KAZN: variants seen among roughly 807,000 people sequenced by gnomAD.
KAZN encodes kazrin, periplakin interacting protein.
A neutral mutation model predicts 87.4 loss-of-function variants in KAZN; 40 were observed. The ratio of observed to expected loss-of-function variants is 0.46; its 90% confidence interval spans 0.36 to 0.60. The LOEUF (loss-of-function observed/expected upper bound fraction) is 0.60, where lower values mean the gene tolerates loss of function less well. Ranked by LOEUF, KAZN falls within the 20% of genes least tolerant of loss-of-function variation. The probability of loss-of-function intolerance (pLI) is 0.00; values close to 1 mark genes in which losing one functional copy is unlikely to be tolerated. For synonymous variants in KAZN, 466 were observed against 458.3 expected (o/e 1.02, Z -0.22); for missense variants, 898 against 1,073.9 (o/e 0.84, Z 2.29).
In KAZN at chr1:14,041,072, C is replaced by T. The variant is rs74770301; in HGVS notation, c.92-139363C>T. 7.8e-3 allele frequency among the ~76,000 whole-genome samples: 1,188 copies of T among 152,290 alleles called. 68 individuals are homozygous for T. In the East Asian group the frequency reaches 0.14, roughly 18 times the overall value. The stretch of plus-strand genomic sequence containing the variant: ...CGCTTGGCAGCTTCACTTTGCTCCT[C>T]AGAAGCAACCACCGCTGAATTCTTT... On this transcript the variant is annotated intron_variant, in intron 1 of 16. Coordinates refer to the KAZN transcript ENST00000636203.
chr1:14,149,650 T>G (rs957018849), intron 1 of KAZN, among the ~76,000 whole-genome samples: 4 of 152,208 alleles, frequency 2.6e-5, no homozygotes, highest in Admixed American at 1.3e-4. Flanking sequence ...CTGGAATCTC[T>G]GAGCTGCTGA....
chr1:13,917,797 C>CA (rs35268955), intron 1 of KAZN, among the ~76,000 whole-genome samples: 5,324 of 77,774 alleles, frequency 0.068, 247 homozygotes, highest in African/African-American at 0.12. Context: ...CCTGTGTCAT[C>CA]AAAAAAAAAA....
chr1:13,940,626 A>C (rs1202202691), intron 1 of KAZN, among the ~76,000 whole-genome samples: 1 of 152,230 alleles, frequency 6.6e-6, no homozygotes, highest in Non-Finnish European at 1.5e-5. Context: ...AGTTGAAAAA[A>C]TACTATAACT....
intron 1 of KAZN, chr1:14,924,257 G>A (rs1032840729): frequency 2.0e-6 from 2 of 981,910 alleles, no homozygotes; most frequent in African/African-American, 1.8e-5. Flanking sequence ...AGGCGGGGGC[G>A]GGCTCGGCTG....
intron 1 of KAZN, among the ~76,000 whole-genome samples, chr1:14,608,043 A>C (rs909451829): frequency 1.3e-5 from 2 of 152,214 alleles, no homozygotes; most frequent in Non-Finnish European, 2.9e-5. Context: ...AAGCTCTGGA[A>C]AGTAGTCCAC....
At chr1:14,482,920 G>A (rs911914183) in intron 2 of KAZN, among the ~76,000 whole-genome samples, 4 of 152,158 alleles carry the variant, frequency 2.6e-5, no homozygotes, top group African/African-American at 9.7e-5. Context: ...AGTATCCTTA[G>A]GTAAGTTACA....
intron 1 of KAZN, among the ~76,000 whole-genome samples, chr1:14,887,232 A>T (rs1179238849): frequency 6.6e-6 from 1 of 151,992 alleles, no homozygotes; most frequent in African/African-American, 2.4e-5. Flanking sequence ...GTTTCAAAAG[A>T]TTTTTTTTCC....
In KAZN at chr1:15,021,301, G is replaced by A. The variant is rs1187752615; in HGVS notation, c.419-13448G>A. On this transcript the variant is annotated intron_variant, in intron 2 of 14. Coordinates refer to ENST00000376030, the MANE Select transcript of KAZN (RefSeq NM_201628.3). The surrounding 1 kb of genome is among the most constrained non-coding windows in gnomAD (Gnocchi z 4.2). ...CTTTAAAAATAGTCCTCGTTGTGTG[G>A]GGCATGGGGCCTGAGGCTGATATTG... 6.6e-6 allele frequency among the ~76,000 whole-genome samples: 1 copy of A among 152,136 alleles called. No individual in the cohort carries two copies. Among genetic ancestry groups the A allele is most frequent in the Non-Finnish European group, 1.5e-5 (1 of 68,036 alleles).
intron 1 of KAZN, among the ~76,000 whole-genome samples, chr1:14,041,052 G>A (rs961697347): frequency 2.0e-5 from 3 of 152,086 alleles, no homozygotes; most frequent in Non-Finnish European, 4.4e-5. Context: ...CCATTCGCTT[G>A]GCAGCTTCAC....
chr1:14,619,376 T>C (rs1442393246), intron 1 of KAZN, among the ~76,000 whole-genome samples: 2 of 151,948 alleles, frequency 1.3e-5, no homozygotes, highest in Non-Finnish European at 2.9e-5. Context: ...TTTTTAAATT[T>C]TTTTGTAAAG....
chr1:14,166,603 G>A (rs1280990417), intron 1 of KAZN, among the ~76,000 whole-genome samples: 2 of 84,200 alleles, frequency 2.4e-5, no homozygotes, highest in African/African-American at 2.0e-4. Flanking sequence ...TATAAATTTG[G>A]TACTATTGTG....
intron 1 of KAZN, among the ~76,000 whole-genome samples, chr1:14,673,122 T>C (rs1204959496): frequency 2.0e-5 from 3 of 152,210 alleles, no homozygotes; most frequent in African/African-American, 4.8e-5. Flanking sequence ...GGCCTTACCT[T>C]GGTACATTAT....
chr1:14,636,443 G>A (rs1679990891), intron 1 of KAZN, among the ~76,000 whole-genome samples: 2 of 152,264 alleles, frequency 1.3e-5, no homozygotes, highest in Middle Eastern at 3.4e-3. Flanking sequence ...TTGGATAGAG[G>A]GCTCTTTGTG....
At position 14,368,702 on chromosome 1, in the gene KAZN, G is replaced by A. The variant is rs546854982; in HGVS notation, c.249+188110G>A. Among the ~76,000 whole-genome samples, 197 of 152,232 alleles carry A rather than the reference G, an allele frequency of 1.3e-3. 1 individual carries two copies. Among genetic ancestry groups the A allele is most frequent in the African/African-American group, 4.3e-3 (179 of 41,542 alleles). ...CCTTGGAGTTCTTGGCCTGGACTAC[G>A]ACCATGCACCCAAACTGAAGAAAGA... On this transcript the variant is annotated intron_variant, in intron 2 of 16. Coordinates refer to the KAZN transcript ENST00000636203.
intron 2 of KAZN, among the ~76,000 whole-genome samples, chr1:14,507,347 G>A (rs760771210): frequency 2.0e-5 from 3 of 151,992 alleles, no homozygotes; most frequent in African/African-American, 4.8e-5. Context: ...TATCACAATC[G>A]TCCATCTTGG....
intron 2 of KAZN, among the ~76,000 whole-genome samples, chr1:14,517,075 AAGAGACAGAG>A (rs1671337824): frequency 6.6e-6 from 1 of 152,130 alleles, no homozygotes; most frequent in South Asian, 2.1e-4. Context: ...CTTGGATGCA[AAGAGACAGAG>A]AGAGGCATAA....
At chr1:15,111,108 C>A (rs777351907) in intron 13 of KAZN, among the ~76,000 whole-genome samples, 3 of 152,166 alleles carry the variant, frequency 2.0e-5, no homozygotes, top group Non-Finnish European at 2.9e-5. Flanking sequence ...TATGTGGAAG[C>A]CTGTGGAACC....
chr1:14,179,788 C>G (rs922241818), intron 1 of KAZN, among the ~76,000 whole-genome samples: 1 of 152,136 alleles, frequency 6.6e-6, no homozygotes, highest in Admixed American at 6.6e-5. Flanking sequence ...TTAAAAGAAG[C>G]CTCTCTGCTG....
chr1:14,139,955 GTGTGTGTGTGTGTGGTATGTA>G (rs1645198854), intron 1 of KAZN, among the ~76,000 whole-genome samples: 1 of 68,736 alleles, frequency 1.5e-5, no homozygotes, highest in East Asian at 4.8e-4. Context: ...GTGTGTGTGT[GTGTGTGTGTGTGTGGTATGTA>G]TGTGTGTGTG....
Sources: allele counts gnomAD v4.1 joint callset (sites outside exome capture counted in the v4.1 genomes callset), GRCh38; gene constraint gnomAD v4.1.1; non-coding constraint Gnocchi (gnomAD v3.1); transcripts MANE v1.5; gene names NCBI Gene and HGNC (gene_info 2026-07-23, HGNC 2026-07-21).